Variants in CAB39L observed in about 807,000 individuals in gnomAD.
CAB39L encodes the protein calcium binding protein 39 like, also known as calcium-binding protein 39-like.
Under a neutral mutation model 39.1 loss-of-function variants are expected in CAB39L, and 23 were observed. The observed-to-expected ratio is 0.59, with a 90% confidence interval of 0.42 to 0.83. CAB39L has a LOEUF of 0.83. Among genes scored for constraint, CAB39L ranks in the 40% least tolerant of loss-of-function variants. The pLI is 0.00. For synonymous variants in CAB39L, 126 were observed against 137.2 expected, an observed-to-expected ratio of 0.92 and a Z score of 0.57; for missense variants, 366 against 391.9, an observed-to-expected ratio of 0.93 and a Z score of 0.56.
At chr13:49,318,469 GGAAAGGAAA>G (rs1396691552) in intron 10 of CAB39L, among the ~76,000 whole-genome samples, 4 of 62 alleles carry the variant, frequency 0.065, 2 homozygotes, top group Admixed American at 1. Context: ...GGAAAGGAAA[GGAAAGGAAA>G]GGAAAGGGAA....
intron 3 of CAB39L, among the ~76,000 whole-genome samples, chr13:49,426,879 T>C (rs557399537): frequency 2.4e-4 from 36 of 152,362 alleles, no homozygotes; most frequent in Non-Finnish European, 3.5e-4. Context: ...TGCAGGAGTC[T>C]GTCCCAACTA....
At chr13:49,392,376 C>A (rs1017269009) in intron 3 of CAB39L, among the ~76,000 whole-genome samples, 1 of 150,800 alleles carries the variant, frequency 6.6e-6, no homozygotes, top group Admixed American at 6.6e-5. Flanking sequence ...CGGTGGTTCA[C>A]GCCTGTAATC....
intron 5 of CAB39L, among the ~76,000 whole-genome samples, 176 bp from the exon 6 acceptor site, chr13:49,360,008 C>T (rs1198848098): frequency 6.6e-6 from 1 of 152,090 alleles, no homozygotes; most frequent in Non-Finnish European, 1.5e-5. Context: ...TGCTTGCAAA[C>T]ACAGTCTACA....
intron 10 of CAB39L, among the ~76,000 whole-genome samples, chr13:49,322,989 GTCT>G (rs1954395614): frequency 6.6e-6 from 1 of 152,184 alleles, no homozygotes; most frequent in African/African-American, 2.4e-5. Flanking sequence ...TTCTCTGTCA[GTCT>G]TCTTTTTTGG....
Position 49,313,024 on chromosome 13 carries a change from T to G in CAB39L, c.835-2031A>C, listed in dbSNP as rs113238631. 2.5e-3 allele frequency among the ~76,000 whole-genome samples: 384 copies of G among 152,306 alleles called. 2 individuals carry two copies. The highest frequency in any genetic ancestry group is 8.2e-3 in the African/African-American group (340 of 41,556). ...ATATTTAAACATAAACAACATATAG[T>G]ATGAAAGAGCTTATGATTTTTAAAC... On this transcript the variant is annotated intron_variant, in intron 10 of 10. Coordinates refer to ENST00000409308, the MANE Select transcript of CAB39L (RefSeq NM_001079670.3).
chr13:49,382,178 C>G lies in CAB39L; in HGVS notation c.111+622G>C, dbSNP rs533644318. On this transcript the variant is annotated intron_variant, in intron 4 of 10. Transcript: ENST00000409308. Reference sequence around the variant, plus strand: ...ATTTAGATTTATACTTGCAAAAAAGCCATTTTTCTTCTATTTGGGCCAAGA... The same window carrying G: ...ATTTAGATTTATACTTGCAAAAAAGGCATTTTTCTTCTATTTGGGCCAAGA... 1.8e-4 allele frequency among the ~76,000 whole-genome samples: 27 copies of G among 151,988 alleles called. No individual in the cohort carries two copies. In the South Asian group the frequency reaches 5.6e-3, roughly 32 times the overall value.
intron 2 of CAB39L, among the ~76,000 whole-genome samples, chr13:49,433,762 G>A (rs2138738487): frequency 6.6e-6 from 1 of 152,346 alleles, no homozygotes; most frequent in Non-Finnish European, 1.5e-5. Flanking sequence ...CAAAAAGGCT[G>A]TGGGAAGGCT....
chr13:49,329,059 C>T lies in CAB39L; in HGVS notation c.834+2888G>A, dbSNP rs562079968. Among the ~76,000 whole-genome samples the T allele has an allele frequency of 1.6e-4, 24 of 152,186 alleles. No individual in the cohort carries two copies. The South Asian group carries it at 4.8e-3, about 30-fold the overall frequency. ...AGAAACATTTATTGAATATTTAACCCTTTCTTCACTGGTTTATAATCCCTC... is the reference window on the plus strand; with the variant it reads ...AGAAACATTTATTGAATATTTAACCTTTTCTTCACTGGTTTATAATCCCTC... On this transcript the variant is annotated intron_variant, in intron 10 of 10. Transcript: ENST00000409308.
At chr13:49,437,257 G>GT (rs1440470099) in intron 1 of CAB39L, among the ~76,000 whole-genome samples, 2 of 152,208 alleles carry the variant, frequency 1.3e-5, no homozygotes, top group African/African-American at 2.4e-5. Flanking sequence ...CTAATAAAGT[G>GT]TTTTTTTGTT....
chr13:49,422,959 T>C (rs941695295), intron 3 of CAB39L, among the ~76,000 whole-genome samples: 3 of 152,178 alleles, frequency 2.0e-5, no homozygotes, highest in African/African-American at 4.8e-5. Context: ...TTAAGAACAC[T>C]AGAAAATGTT....
intron 1 of CAB39L, among the ~76,000 whole-genome samples, chr13:49,442,876 T>C (rs1425724686): frequency 6.6e-6 from 1 of 151,904 alleles, no homozygotes; most frequent in African/African-American, 2.4e-5. Context: ...GAGATGTCTT[T>C]ATCATGTATT....
At chr13:49,347,667 G>A (rs952172753) in intron 7 of CAB39L, among the ~76,000 whole-genome samples, 4 of 152,020 alleles carry the variant, frequency 2.6e-5, no homozygotes, top group Non-Finnish European at 5.9e-5. Context: ...GGATGCAACC[G>A]AGGCCTATCT....
chr13:49,438,974 C>T (rs1957459953), intron 1 of CAB39L, among the ~76,000 whole-genome samples: 1 of 152,172 alleles, frequency 6.6e-6, no homozygotes, highest in Non-Finnish European at 1.5e-5. Flanking sequence ...TTCAGTGTTA[C>T]ATAAACATCA....
chr13:49,400,154 A>C (rs1252706097), intron 3 of CAB39L, among the ~76,000 whole-genome samples: 1 of 152,100 alleles, frequency 6.6e-6, no homozygotes, highest in Non-Finnish European at 1.5e-5. Flanking sequence ...GATTCACTTG[A>C]ATCAATAACT....
chr13:49,340,215 T>C (rs565489582), intron 8 of CAB39L, among the ~76,000 whole-genome samples: 7 of 152,358 alleles, frequency 4.6e-5, no homozygotes, highest in Non-Finnish European at 1.0e-4. Context: ...CTAGTCTCTC[T>C]GGAGCACTTC....
chr13:49,348,580 A>G (rs1955248066), intron 7 of CAB39L, among the ~76,000 whole-genome samples: 1 of 152,132 alleles, frequency 6.6e-6, no homozygotes, highest in Non-Finnish European at 1.5e-5. Flanking sequence ...AAAGTGCTGC[A>G]GTTAACTGGG....
intron 7 of CAB39L, among the ~76,000 whole-genome samples, chr13:49,346,058 CATATATATATATGCTAGATATATAT>C (rs1166719982): frequency 3.0e-5 from 2 of 66,414 alleles, no homozygotes; most frequent in East Asian, 7.0e-4. Context: ...ATTCCTCCAG[CATATATATATATGCTAGATATATAT>C]ATATATATAT....
At position 49,358,659 on chromosome 13, in the gene CAB39L, G is replaced by A. The variant is rs568405661; in HGVS notation, c.395+1055C>T. Among the ~76,000 whole-genome samples the A allele has an allele frequency of 1.1e-4, 16 of 152,200 alleles. 1 individual carries two copies. The highest frequency in any genetic ancestry group is 1.0e-3 in the South Asian group (5 of 4,808). The stretch of plus-strand genomic sequence containing the variant: ...GCAGATCACTTGAGGTCAGGAGGTC[G>A]AGACCAGCCTGGCCAAATAGTGAAA... On this transcript the variant is annotated intron_variant, in intron 6 of 10. Coordinates refer to ENST00000409308, the MANE Select transcript of CAB39L (RefSeq NM_001079670.3).
intron 3 of CAB39L, among the ~76,000 whole-genome samples, chr13:49,421,576 C>CT (rs1210223162): frequency 6.6e-6 from 1 of 152,124 alleles, no homozygotes; most frequent in Non-Finnish European, 1.5e-5. Flanking sequence ...CCAGAGGAGA[C>CT]TTGTTGAGTG....
Sources: gnomAD v4.1 joint callset for allele counts (sites outside exome capture counted in the v4.1 genomes callset) on GRCh38, gnomAD v4.1.1 for gene constraint, MANE v1.5 for transcripts, NCBI Gene and HGNC (gene_info 2026-07-23, HGNC 2026-07-21) for gene names.